OPTC: variants seen among roughly 807,000 people sequenced by gnomAD.
OPTC encodes the protein opticin, also known as oculoglycan.
In OPTC, 22 loss-of-function variants were observed where a neutral mutation model predicts 25.4. The observed-to-expected ratio is 0.87, with a 90% CI of 0.62 to 1.24. The LOEUF (loss-of-function observed/expected upper bound fraction) is 1.24, where lower values mean the gene tolerates loss of function less well. Among genes scored for constraint, OPTC ranks in the 50% most tolerant of loss-of-function variants. The probability of loss-of-function intolerance (pLI) is 0.00; values close to 1 mark genes in which losing one functional copy is unlikely to be tolerated. For missense variants in OPTC, 417 were observed against 425.2 expected (o/e 0.98, Z 0.17); for synonymous variants, 169 against 179.3 (o/e 0.94, Z 0.46).
At chr1:203,497,727 G>A (rs891754373) in intron 3 of OPTC, among the ~76,000 whole-genome samples, 7 of 152,140 alleles carry the variant, frequency 4.6e-5, no homozygotes, top group African/African-American at 1.7e-4. Context: ...TTTGCCTTGG[G>A]TGGACCTGGG....
chr1:203,499,512 C>A (rs570247179), intron 4 of OPTC, 137 bp from the exon 5 acceptor site: 2 of 798,784 alleles, frequency 2.5e-6, no homozygotes, highest in East Asian at 2.4e-5. Flanking sequence ...CTGGTTTGGG[C>A]CTAGTGCAGG....
chr1:203,495,068 A>C (rs1046889753), intron 1 of OPTC, among the ~76,000 whole-genome samples: 1 of 152,170 alleles, frequency 6.6e-6, no homozygotes, highest in Non-Finnish European at 1.5e-5. Context: ...TGTATGTTTC[A>C]TTGTAAGTCC....
chr1:203,502,834 G>T, intron 5 of OPTC, 80 bp from the exon 6 acceptor site: 1 of 1,081,322 alleles, frequency 9.2e-7, no homozygotes, highest in South Asian at 1.3e-5. Flanking sequence ...GGGGCCACCT[G>T]TCTCTGGTCT....
intron 1 of OPTC, among the ~76,000 whole-genome samples, chr1:203,494,912 A>T (rs1163024252): frequency 6.6e-6 from 1 of 152,230 alleles, no homozygotes; most frequent in Non-Finnish European, 1.5e-5. Context: ...GCACACACAC[A>T]CAAATATACA....
rs781646035 is a variant in OPTC at position 203,499,851 on chromosome 1, G to GA, written c.732_732+1insA (p.Ala245SerfsTer34). ...CGGGGATACAGCCTGCAGCCTTCAG[G>GA]GTGAGTCAAGGCCTTAGATCCACTA... On this transcript the variant is annotated frameshift_variant and splice_region_variant. Coordinates refer to ENST00000367222, the MANE Select transcript of OPTC (RefSeq NM_014359.4). LOFTEE classifies it high-confidence loss of function. 4 of 1,609,786 alleles carry GA rather than the reference G, an allele frequency of 2.5e-6. No homozygotes were observed. In the African/African-American group the frequency reaches 5.4e-5, roughly 22 times the overall value.
In OPTC at chr1:203,502,952, C is replaced by T. The variant is rs572672341; in HGVS notation, c.771C>T (p.Asn257=). The T allele has an allele frequency of 6.2e-7, 1 of 1,613,994 alleles. No individual in the cohort carries two copies. The highest frequency in any genetic ancestry group is 1.1e-5 in the South Asian group (1 of 91,084). ...EKLQFLYLSD[N]LLDSIPGPLP... The stretch of plus-strand genomic sequence containing the variant: ...TGCAGTTCCTTTACCTGTCAGACAA[C>T]CTGCTGGATTCTATCCCGGGGCCTT... The change falls in exon 6 of 8, where the codon AAC becomes AAT. Residue 257 remains asparagine (N), a synonymous_variant. Transcript: ENST00000367222.
At position 203,498,760 on chromosome 1, in the gene OPTC, T is replaced by C; in HGVS notation, c.450T>C (p.Pro150=). The C allele has an allele frequency of 6.2e-7, 1 of 1,614,050 alleles. No individual in the cohort carries two copies. Among genetic ancestry groups the C allele is most frequent in the Non-Finnish European group, 8.5e-7 (1 of 1,179,964 alleles). Residue 150 remains proline, a synonymous_variant, in exon 4 of 8, where the codon CCT becomes CCC. Coordinates refer to ENST00000367222, the MANE Select transcript of OPTC (RefSeq NM_014359.4). ...ACATTGACCTAGAGGACATTCCTCC[T>C]CTTCCTCGGAGGACTGCCTACCTGT... ...CDDIDLEDIP[P]LPRRTAYLYA...
At chr1:203,496,684 G>A (rs1180668109) in intron 2 of OPTC, among the ~76,000 whole-genome samples, 2 of 152,054 alleles carry the variant, frequency 1.3e-5, no homozygotes, top group African/African-American at 2.4e-5. Flanking sequence ...GAAGAGTGCC[G>A]GCCTGGGAAA....
chr1:203,500,506 A>G, intron 5 of OPTC, among the ~76,000 whole-genome samples: 1 of 147,642 alleles, frequency 6.8e-6, no homozygotes, highest in South Asian at 2.2e-4. Flanking sequence ...ACCCACCTGC[A>G]CTCCCACCAT....
chr1:203,506,145 C>CTTTTTCTT (rs1558240923), intron 7 of OPTC, among the ~76,000 whole-genome samples: 1 of 89,462 alleles, frequency 1.1e-5, no homozygotes. Flanking sequence ...ATCCAATTTT[C>CTTTTTCTT]TTTTTTCTTT....
Position 203,502,975 on chromosome 1 carries a change from C to G in OPTC, c.794C>G (p.Pro265Arg). The G allele has an allele frequency of 1.5e-5, 25 of 1,613,938 alleles. No homozygotes were observed. Among genetic ancestry groups the G allele is most frequent in the Non-Finnish European group, 2.1e-5 (25 of 1,180,002 alleles). Residue 265 changes from proline to arginine, a missense_variant, in exon 6 of 8, where the codon CCT becomes CGT. Physicochemically the swap from Pro to Arg is moderately radical, Grantham distance 103. Coordinates refer to ENST00000367222, the MANE Select transcript of OPTC (RefSeq NM_014359.4). ...AACCTGCTGGATTCTATCCCGGGGC[C>G]TTTGCCCCTGAGCCTGCGCTCTGTA... ...SDNLLDSIPG[P>R]LPLSLRSVHL...
chr1:203,505,217 G>A (rs1461681771), intron 7 of OPTC, among the ~76,000 whole-genome samples: 1 of 152,176 alleles, frequency 6.6e-6, no homozygotes, highest in Non-Finnish European at 1.5e-5. Context: ...TTTCCTCAGA[G>A]AGCTTAGAAT....
intron 6 of OPTC, 138 bp downstream of exon 6, chr1:203,503,147 C>T (rs1198001709): frequency 2.2e-5 from 16 of 726,012 alleles, no homozygotes; most frequent in Non-Finnish European, 3.9e-5. Flanking sequence ...TTATTGGAGA[C>T]AAGGATTGGG....
At chr1:203,496,529 G>A (rs1217107453) in intron 2 of OPTC, among the ~76,000 whole-genome samples, 2 of 152,152 alleles carry the variant, frequency 1.3e-5, no homozygotes, top group African/African-American at 4.8e-5. Context: ...AAATAAAAGT[G>A]CCACATCCCC....
intron 7 of OPTC, among the ~76,000 whole-genome samples, chr1:203,508,413 G>A (rs914190246): frequency 9.2e-5 from 14 of 152,170 alleles, no homozygotes; most frequent in Non-Finnish European, 1.5e-5. Context: ...GAGAACCTTG[G>A]GGCTCAAAGA....
intron 5 of OPTC, among the ~76,000 whole-genome samples, chr1:203,500,874 C>T (rs983192924): frequency 2.0e-5 from 3 of 152,192 alleles, no homozygotes; most frequent in African/African-American, 4.8e-5. Flanking sequence ...TTGGGACACA[C>T]GGCCTCTTGT....
chr1:203,496,909 C>T, intron 2 of OPTC, 68 bp from the exon 3 acceptor site: 1 of 1,556,412 alleles, frequency 6.4e-7, no homozygotes, highest in Non-Finnish European at 8.9e-7. Flanking sequence ...CTGAGGTTCC[C>T]AGAGTCCAAA....
At chr1:203,495,344 C>G (rs1296151299) in intron 1 of OPTC, among the ~76,000 whole-genome samples, 1 of 152,144 alleles carries the variant, frequency 6.6e-6, no homozygotes, top group African/African-American at 2.4e-5. Context: ...TATGGTGAAA[C>G]CCCTTCTCTA....
At position 203,499,702 on chromosome 1, in the gene OPTC, G is replaced by A. The variant is rs1661343332; in HGVS notation, c.583G>A (p.Asp195Asn). The change falls in exon 5 of 8, where the codon GAT becomes AAT. Residue 195 changes from aspartate (D) to asparagine (N), a missense_variant. Asp to Asn is a conservative substitution (Grantham distance 23). Transcript: ENST00000367222. ...SNNLISSIDN[D>N]AFRLLHALQD... ...CAACCTCATTTCCTCCATCGATAAT[G>A]ATGCCTTCCGCCTGCTACATGCCCT... The A allele has an allele frequency of 2.5e-6, 4 of 1,613,540 alleles. No homozygotes were observed. The highest frequency in any genetic ancestry group is 3.4e-6 in the Non-Finnish European group (4 of 1,179,934).
Sources: allele counts gnomAD v4.1 joint callset (sites outside exome capture counted in the v4.1 genomes callset), GRCh38; gene constraint gnomAD v4.1.1; transcripts MANE v1.5; gene names NCBI Gene and HGNC (gene_info 2026-07-23, HGNC 2026-07-21).